Variants in PARP1 observed in about 807,000 individuals in gnomAD.
PARP1 encodes the protein poly(ADP-ribose) polymerase 1.
In PARP1, 44 loss-of-function variants were observed where a neutral mutation model predicts 118.7. That is an observed-to-expected ratio of 0.37 (90% confidence interval 0.29 to 0.48). The LOEUF is 0.48. PARP1 is among the 20% of genes least tolerant of loss of function. The pLI is 0.99. For missense variants in PARP1, 1,100 were observed against 1,272.4 expected (o/e 0.86, Z 2.06); for synonymous variants, 492 against 483.2 (o/e 1.02, Z -0.24).
chr1:226,382,050 C>G (rs1366907132), intron 8 of PARP1, among the ~76,000 whole-genome samples: 1 of 152,202 alleles, frequency 6.6e-6, no homozygotes, highest in Non-Finnish European at 1.5e-5. Flanking sequence ...AGGCTGCCAG[C>G]AGCACAGTGG....
At chr1:226,392,464 T>C (rs1018688178) in intron 2 of PARP1, 150 bp from the exon 3 acceptor site, 5 of 716,282 alleles carry the variant, frequency 7.0e-6, no homozygotes, top group African/African-American at 6.9e-5. Flanking sequence ...TCTGTCTGTT[T>C]GTAACAACCG....
chr1:226,401,967 A>G, intron 2 of PARP1: 2 of 1,446,168 alleles, frequency 1.4e-6, no homozygotes, highest in Non-Finnish European at 1.8e-6. Context: ...AAAATAAAGT[A>G]TATTAAAAAC....
chr1:226,405,015 C>A (rs1665116998), intron 1 of PARP1, among the ~76,000 whole-genome samples: 1 of 152,190 alleles, frequency 6.6e-6, no homozygotes, highest in South Asian at 2.1e-4. Flanking sequence ...TCATCCCTCC[C>A]AAGATGCCCC....
chr1:226,382,415 G>A (rs1664627173), intron 8 of PARP1, among the ~76,000 whole-genome samples: 1 of 152,232 alleles, frequency 6.6e-6, no homozygotes, highest in African/African-American at 2.4e-5. Flanking sequence ...CTCCTCTGCA[G>A]TGCAGTCAGG....
chr1:226,385,340 T>C (rs899037500), intron 7 of PARP1, among the ~76,000 whole-genome samples, 164 bp downstream of exon 7: 2 of 152,232 alleles, frequency 1.3e-5, no homozygotes, highest in East Asian at 1.9e-4. Context: ...TTTGCGTAGT[T>C]TGCAAACATG....
chr1:226,391,486 C>A (rs948331384), intron 3 of PARP1, among the ~76,000 whole-genome samples: 1 of 152,102 alleles, frequency 6.6e-6, no homozygotes, highest in African/African-American at 2.4e-5. Context: ...ACCAGTAACC[C>A]AGCAGCACAT....
chr1:226,387,075 T>C (rs527320852), intron 5 of PARP1, among the ~76,000 whole-genome samples: 1 of 152,272 alleles, frequency 6.6e-6, no homozygotes, highest in South Asian at 2.1e-4. Context: ...CTCCACCTTC[T>C]GGGTTCAAGC....
chr1:226,371,290 C>T (rs1440568588), intron 14 of PARP1, among the ~76,000 whole-genome samples: 2 of 152,222 alleles, frequency 1.3e-5, no homozygotes, highest in African/African-American at 2.4e-5. Context: ...GTCTCTGGGG[C>T]TTTGCCAATA....
At chr1:226,383,234 C>T (rs1315492347) in intron 7 of PARP1, 51 bp from the exon 8 acceptor site, 3 of 1,460,914 alleles carry the variant, frequency 2.1e-6, no homozygotes, top group South Asian at 2.3e-5. Context: ...TTGAGGTAAC[C>T]ACCCCATAGA....
chr1:226,391,464 G>T (rs1298875370), intron 3 of PARP1, among the ~76,000 whole-genome samples: 2 of 152,086 alleles, frequency 1.3e-5, no homozygotes, highest in African/African-American at 4.8e-5. Flanking sequence ...GGGGTTCCTG[G>T]CATTACATAA....
intron 10 of PARP1, 70 bp from the exon 11 acceptor site, chr1:226,379,711 CA>C (rs1241526322): frequency 1.2e-5 from 17 of 1,381,258 alleles, no homozygotes; most frequent in Non-Finnish European, 1.1e-5. Flanking sequence ...AGGTAGAAGG[CA>C]AATGAGTTGT....
At chr1:226,401,852 A>T (rs2102746918) in intron 2 of PARP1, 1 of 728,524 alleles carries the variant, frequency 1.4e-6, no homozygotes, top group Non-Finnish European at 2.1e-6. Context: ...AATTATAACA[A>T]ATGTACTACT....
intron 13 of PARP1, among the ~76,000 whole-genome samples, chr1:226,375,036 A>G (rs545306027): frequency 6.6e-6 from 1 of 152,368 alleles, no homozygotes; most frequent in South Asian, 2.1e-4. Context: ...GTATGAGGGT[A>G]TAGACGGTGC....
intron 2 of PARP1, among the ~76,000 whole-genome samples, chr1:226,394,251 G>A (rs911662339): frequency 1.3e-4 from 20 of 152,198 alleles, no homozygotes; most frequent in African/African-American, 4.8e-4. Context: ...TAGCTACTTA[G>A]GAAGCTAAGG....
rs772628183 is a variant in PARP1 at position 226,362,097 on chromosome 1, G to A, written c.2849-14C>T. On this transcript the variant is annotated splice_polypyrimidine_tract_variant and intron_variant, in intron 21 of 22. Coordinates refer to ENST00000366794, the MANE Select transcript of PARP1 (RefSeq NM_001618.4). ...TTTTGCCCAAACCTGAAAAACAGAAGTCACAAGTGACATGAACTGTGAGTA... is the reference window on the plus strand; with the variant it reads ...TTTTGCCCAAACCTGAAAAACAGAAATCACAAGTGACATGAACTGTGAGTA... 53 of 1,473,130 alleles carry A rather than the reference G, an allele frequency of 3.6e-5. No individual in the cohort carries two copies. Among genetic ancestry groups the A allele is most frequent in the Non-Finnish European group, 4.9e-5 (51 of 1,051,534 alleles). 91.3% of individuals were successfully genotyped at this position (1,473,130 alleles called of 1,614,324 possible). A position where few individuals can be genotyped will look rare whatever the true frequency, so the allele number is the denominator to read the frequency against.
chr1:226,383,045 CA>C lies in PARP1; in HGVS notation c.1149del (p.Ala384LeufsTer10). ...GTCCCAAATGCTGTACCTGCTGAAG[CA>C]GAGGAGTTCACAGCAGCAGGAGCCG... ...TASAPAAVNSSASADKPLSNM... is the reference protein window; with the variant it reads ...TASAPAAVNSXASADKPLSNM... On this transcript the variant is annotated frameshift_variant, in exon 8 of 23. Transcript: ENST00000366794. LOFTEE classifies it high-confidence loss of function. 1 of 1,612,854 alleles carries C rather than the reference CA, an allele frequency of 6.2e-7. No individual in the cohort carries two copies. Among genetic ancestry groups the C allele is most frequent in the South Asian group, 1.1e-5 (1 of 91,020 alleles).
intron 1 of PARP1, among the ~76,000 whole-genome samples, chr1:226,405,218 A>C (rs1665120834): frequency 1.3e-5 from 2 of 152,210 alleles, no homozygotes; most frequent in Non-Finnish European, 1.5e-5. Flanking sequence ...CATTACATAA[A>C]AATCACAGTT....
chr1:226,365,184 CA>C lies in PARP1; in HGVS notation c.2506-31del, dbSNP rs747528573. On this transcript the variant is annotated intron_variant, in intron 18 of 22. Transcript: ENST00000366794. ...TTGGAGTAGTAAACAAAGGGAAGGA[CA>C]AAAGAAGCCATTTGTTACTCTGGTT... The C allele has an allele frequency of 3.1e-6, 5 of 1,612,974 alleles. No homozygotes were observed. The Admixed American group carries it at 8.3e-5, about 27-fold the overall frequency.
chr1:226,392,120 T>C lies in PARP1; in HGVS notation c.402+79A>G. On this transcript the variant is annotated intron_variant, in intron 3 of 22. Coordinates refer to ENST00000366794, the MANE Select transcript of PARP1 (RefSeq NM_001618.4). ...GCTAGCACCCTAAAGCCCCCATTTCTTCTTTTCTCTTGAGATAGCCAATAA... is the reference window on the plus strand; with the variant it reads ...GCTAGCACCCTAAAGCCCCCATTTCCTCTTTTCTCTTGAGATAGCCAATAA... The C allele has an allele frequency of 7.1e-6, 7 of 985,792 alleles. No homozygotes were observed. In the South Asian group the frequency reaches 8.9e-5, roughly 13 times the overall value. The allele number at this position is 985,792 out of a possible 1,614,324, so 61.1% of individuals were successfully genotyped here. A position where few individuals can be genotyped will look rare whatever the true frequency, so the allele number is the denominator to read the frequency against.
Sources: gnomAD v4.1 joint callset for allele counts (sites outside exome capture counted in the v4.1 genomes callset) on GRCh38, gnomAD v4.1.1 for gene constraint, MANE v1.5 for transcripts, NCBI Gene and HGNC (gene_info 2026-07-23, HGNC 2026-07-21) for gene names.